The following DKC1 variants were observed in gnomAD, a reference collection of about 807,000 sequenced individuals.
DKC1 encodes H/ACA ribonucleoprotein complex subunit DKC1.
In DKC1, 4 loss-of-function variants were observed where a neutral mutation model predicts 46.7. That is an observed-to-expected ratio of 0.09 (90% CI 0.04 to 0.20). DKC1 has a LOEUF of 0.20. DKC1 is among the 10% of genes least tolerant of loss of function. The probability of loss-of-function intolerance (pLI) is 1.00; values close to 1 mark genes in which losing one functional copy is unlikely to be tolerated. For synonymous variants in DKC1, 141 were observed against 142.4 expected (o/e 0.99, Z 0.07); for missense variants, 171 against 404.2 (o/e 0.42, Z 4.95).
At chrX:154,771,944 A>T (rs1004696356) in intron 10 of DKC1, among the ~76,000 whole-genome samples, 6 of 112,001 alleles carry the variant, frequency 5.4e-5, no homozygotes, top group Admixed American at 1.9e-4. Context: ...TGTTCTTCAT[A>T]GTGGTTATAC....
rs369066088 is a variant in DKC1 at position 154,774,613 on chromosome X, G to A, written c.1167G>A (p.Lys389=). Residue 389 remains lysine (K), a synonymous_variant, in exon 12 of 15, where the codon AAG becomes AAA. Coordinates refer to ENST00000369550, the MANE Select transcript of DKC1 (RefSeq NM_001363.5). ...TGATGTTCCACCAGGCAAGTCAGAA[G>A]AAGCTGATGATCAAGCAGGGCCTTC... The part of the protein sequence containing the change: ...KWGLGPKASQ[K]KLMIKQGLLD... The A allele has an allele frequency of 1.2e-5, 14 of 1,209,836 alleles. No homozygotes were observed. The highest frequency in any genetic ancestry group is 1.6e-5 in the Non-Finnish European group (14 of 894,845).
At chrX:154,766,562 C>A in intron 5 of DKC1, 162 bp downstream of exon 5, 1 of 515,971 alleles carries the variant, frequency 1.9e-6, no homozygotes. Flanking sequence ...CCTGCCAGAT[C>A]TTGGTGGTCC....
In DKC1 at chrX:154,765,952, G is replaced by A; in HGVS notation, c.217G>A (p.Ala73Thr). The A allele has an allele frequency of 8.3e-7, 1 of 1,210,194 alleles. No individual in the cohort carries two copies. Among genetic ancestry groups the A allele is most frequent in the Non-Finnish European group, 1.1e-6 (1 of 894,019 alleles). ...AAGGACAACACACTATACACCTCTTGCATGTGGTTCAAATCCTCTGAAGAG... is the reference window on the plus strand; with the variant it reads ...AAGGACAACACACTATACACCTCTTACATGTGGTTCAAATCCTCTGAAGAG... The part of the protein sequence containing the change: ...NVRTTHYTPL[A>T]CGSNPLKREI... Residue 73 changes from alanine to threonine, a missense_variant, in exon 4 of 15, where the codon GCA becomes ACA. Around this residue, in one of 4 missense-constraint regions of DKC1, gnomAD observed 41 missense variants for 117.3 expected, o/e 0.35. Coordinates refer to ENST00000369550, the MANE Select transcript of DKC1 (RefSeq NM_001363.5).
chrX:154,776,223 C>A lies in DKC1; in HGVS notation c.1375C>A (p.Pro459Thr), dbSNP rs1557265684. ...GAGTGAGAGTGAAAGTGACGAGACT[C>A]CTCCAGCAGCTCCTCAGTTGATCAA... is the stretch of plus-strand genomic sequence containing the variant. Reference protein sequence around the residue: ...RESESESDETPPAAPQLIKKE... With the variant: ...RESESESDETTPAAPQLIKKE... Residue 459 changes from proline (P) to threonine (T), a missense_variant, in exon 14 of 15, where the codon CCT (proline) becomes ACT (threonine). By Grantham distance (38) the Pro-to-Thr change is conservative. Coordinates refer to ENST00000369550, the MANE Select transcript of DKC1 (RefSeq NM_001363.5). 1 of 1,211,761 alleles carries A rather than the reference C, an allele frequency of 8.3e-7. No homozygotes were observed. The highest frequency in any genetic ancestry group is 3.0e-5 in the East Asian group (1 of 33,861).
At chrX:154,772,947 A>G (rs1460921881) in intron 10 of DKC1, among the ~76,000 whole-genome samples, 184 bp from the exon 11 acceptor site, 1 of 112,011 alleles carries the variant, frequency 8.9e-6, no homozygotes, top group Non-Finnish European at 1.9e-5. Context: ...GTCATTTCAA[A>G]GGCCTCCTTC....
chrX:154,774,082 C>T (rs1347765454), intron 11 of DKC1, among the ~76,000 whole-genome samples: 1 of 112,411 alleles, frequency 8.9e-6, no homozygotes, highest in East Asian at 2.8e-4. Context: ...TGGAAACAGG[C>T]CCTGTCTTGG....
intron 13 of DKC1, 132 bp downstream of exon 13, chrX:154,775,405 C>G: frequency 1.6e-6 from 1 of 639,560 alleles, no homozygotes; most frequent in Non-Finnish European, 2.6e-6. Flanking sequence ...AGCGCATACA[C>G]AGGTAATGCT....
intron 13 of DKC1, 96 bp downstream of exon 13, chrX:154,775,369 GC>G: frequency 7.2e-6 from 6 of 834,925 alleles, no homozygotes; most frequent in Non-Finnish European, 9.0e-6. Flanking sequence ...CCGCAGTCCA[GC>G]CATATACGCT....
intron 12 of DKC1, 172 bp downstream of exon 12, chrX:154,774,877 C>T: frequency 1.7e-6 from 1 of 575,125 alleles, no homozygotes; most frequent in Admixed American, 2.2e-5. Flanking sequence ...GGTTGTAGAG[C>T]CCAGGGGAGG....
intron 14 of DKC1, 146 bp from the exon 15 acceptor site, chrX:154,776,653 G>C (rs2071900589): frequency 4.8e-6 from 3 of 620,208 alleles, no homozygotes; most frequent in Non-Finnish European, 8.0e-6. Context: ...AGAACTTTGT[G>C]TCACATGCAG....
At chrX:154,767,211 G>A in intron 6 of DKC1, 45 bp from the exon 7 acceptor site, 1 of 1,210,781 alleles carries the variant, frequency 8.3e-7, no homozygotes, top group Non-Finnish European at 1.1e-6. Flanking sequence ...GACTGCACAT[G>A]TACATTCTGA....
chrX:154,776,005 G>A (rs952631945), intron 13 of DKC1, among the ~76,000 whole-genome samples, 182 bp from the exon 14 acceptor site: 4 of 112,155 alleles, frequency 3.6e-5, no homozygotes, highest in African/African-American at 1.3e-4. Context: ...TCTTGGATTT[G>A]GGGGATGAGA....
rs1289430524 is a variant in DKC1, at chrX:154,776,194, G to A, written c.1346G>A (p.Arg449Gln). The change falls in exon 14 of 15, where the codon CGA becomes CAA. Residue 449 changes from arginine (R) to glutamine (Q), a missense_variant. Arg to Gln is a conservative substitution (Grantham distance 43). This residue lies in a region of DKC1 where 54 missense variants were observed against 64.4 expected (regional missense o/e 0.84). Coordinates refer to ENST00000369550, the MANE Select transcript of DKC1 (RefSeq NM_001363.5). ...AEAAKTAKRK[R>Q]ESESESDETP... ...CAATTGCTTTCATCTCAGCGGAAGC[G>A]AGAGAGTGAGAGTGAAAGTGACGAG... The A allele has an allele frequency of 1.7e-6, 2 of 1,210,369 alleles. No individual in the cohort carries two copies. The highest frequency in any genetic ancestry group is 1.7e-5 in the African/African-American group (1 of 57,321).
At chrX:154,775,733 G>A (rs782742002) in intron 13 of DKC1, among the ~76,000 whole-genome samples, 1 of 112,305 alleles carries the variant, frequency 8.9e-6, no homozygotes, top group Non-Finnish European at 1.9e-5. Flanking sequence ...AGTCAGTCAA[G>A]CATGGGTTGG....
chrX:154,766,916 T>C, intron 5 of DKC1, 81 bp from the exon 6 acceptor site: 1 of 927,001 alleles, frequency 1.1e-6, no homozygotes, highest in Non-Finnish European at 1.6e-6. Flanking sequence ...CTGTGCAAAA[T>C]GGGAGTGACT....
chrX:154,775,360 C>T (rs889544581), intron 13 of DKC1, 87 bp downstream of exon 13: 118 of 898,821 alleles, frequency 1.3e-4, no homozygotes, highest in South Asian at 4.4e-4. Flanking sequence ...TGTGACTGTC[C>T]GCAGTCCAGC....
chrX:154,772,161 A>G (rs953299045), intron 10 of DKC1, among the ~76,000 whole-genome samples: 2 of 112,525 alleles, frequency 1.8e-5, no homozygotes, highest in African/African-American at 6.5e-5. Flanking sequence ...TCTTTTGAGA[A>G]GTGTCTGTTC....
chrX:154,762,892 G>A lies in DKC1; in HGVS notation c.-74G>A, dbSNP rs782436792. ...TGGGTCCTAGCAGCGCGGCCTGACG[G>A]GACCAAGGCGGCGGGAGTCTGCGGT... On this transcript the variant is annotated 5_prime_UTR_variant, in exon 1 of 15. Transcript: ENST00000369550. 2.1e-4 allele frequency: 237 copies of A among 1,140,700 alleles called. No individual in the cohort carries two copies. The highest frequency in any genetic ancestry group is 7.5e-4 in the Admixed American group (29 of 38,758). 94.0% of individuals were successfully genotyped at this position (1,140,700 alleles called of 1,213,427 possible).
Position 154,776,974 on chromosome X carries a change from G to T in DKC1, c.*107G>T, listed in dbSNP as rs1317782466. Reference sequence around the variant, plus strand: ...GAACATAGGTCCTAGACAGGGTGAAGAGTTCTGGCACATTTTAGCTGCTAC... The same window carrying T: ...GAACATAGGTCCTAGACAGGGTGAATAGTTCTGGCACATTTTAGCTGCTAC... On this transcript the variant is annotated 3_prime_UTR_variant, in exon 15 of 15. Coordinates refer to ENST00000369550, the MANE Select transcript of DKC1 (RefSeq NM_001363.5). 1.6e-5 allele frequency: 11 copies of T among 677,677 alleles called. No homozygotes were observed. The highest frequency in any genetic ancestry group is 2.5e-5 in the Non-Finnish European group (11 of 444,073). 55.8% of individuals were successfully genotyped at this position (677,677 alleles called of 1,213,427 possible). A position where few individuals can be genotyped will look rare whatever the true frequency, so the allele number is the denominator to read the frequency against.
Sources: allele counts gnomAD v4.1 joint callset (sites outside exome capture counted in the v4.1 genomes callset), GRCh38; gene constraint gnomAD v4.1.1; regional missense constraint gnomAD v4.1.1; transcripts MANE v1.5; gene names NCBI Gene and HGNC (gene_info 2026-07-23, HGNC 2026-07-21).